Variants in TMPRSS15 observed in about 807,000 individuals in gnomAD.
The protein encoded by TMPRSS15 is enteropeptidase.
A neutral mutation model predicts 125.3 loss-of-function variants in TMPRSS15; 128 were observed. That is an observed-to-expected ratio of 1.02 (90% CI 0.89 to 1.18). The LOEUF is 1.18. TMPRSS15 is among the 50% of genes most tolerant of loss of function. TMPRSS15 has a pLI of 0.00. For missense variants in TMPRSS15, 1,283 were observed against 1,212.7 expected (o/e 1.06, Z -0.86); for synonymous variants, 446 against 423.2 (o/e 1.05, Z -0.66).
At chr21:18,380,474 A>G in intron 4 of TMPRSS15, 1 of 444,090 alleles carries the variant, frequency 2.3e-6, no homozygotes, top group Non-Finnish European at 4.7e-6. Flanking sequence ...AAAAATGTAT[A>G]TTTTCCTAGG....
chr21:18,427,676 T>C (rs1448955503), intron 1 of TMPRSS15, among the ~76,000 whole-genome samples: 13 of 152,228 alleles, frequency 8.5e-5, no homozygotes, highest in Non-Finnish European at 1.6e-4. Flanking sequence ...CTAAGAAATA[T>C]ACTTATTCAA....
In TMPRSS15 at chr21:18,353,032, T is replaced by G. The variant is rs1469422413; in HGVS notation, c.1042A>C (p.Asn348His). The G allele has an allele frequency of 6.2e-7, 1 of 1,610,510 alleles. No individual in the cohort carries two copies. The highest frequency in any genetic ancestry group is 1.1e-5 in the South Asian group (1 of 90,816). ...CAGAAACAAAAGCCATCCTCAAAGTTACAATTAATTTTCTCATAATCTGTG... is the reference window on the plus strand; with the variant it reads ...CAGAAACAAAAGCCATCCTCAAAGTGACAATTAATTTTCTCATAATCTGTG... ...ELNNYEKINC[N>H]FEDGFCFWVQ... is the part of the protein sequence containing the mutation. Residue 348 changes from asparagine to histidine, a missense_variant, in exon 10 of 25, where the codon AAC becomes CAC. Coordinates refer to ENST00000284885, the MANE Select transcript of TMPRSS15 (RefSeq NM_002772.3).
intron 17 of TMPRSS15, among the ~76,000 whole-genome samples, 186 bp downstream of exon 17, chr21:18,314,960 G>A (rs1474476779): frequency 6.6e-6 from 1 of 152,138 alleles, no homozygotes; most frequent in Non-Finnish European, 1.5e-5. Flanking sequence ...ACTGAGGCCT[G>A]CGTATTAACT....
intron 4 of TMPRSS15, among the ~76,000 whole-genome samples, chr21:18,382,353 A>C (rs780361497): frequency 3.3e-5 from 5 of 152,166 alleles, no homozygotes; most frequent in Non-Finnish European, 7.4e-5. Flanking sequence ...CTGCTCAAAC[A>C]GCTGTGACAT....
intron 10 of TMPRSS15, among the ~76,000 whole-genome samples, chr21:18,352,097 C>T (rs1275324925): frequency 6.6e-6 from 1 of 151,704 alleles, no homozygotes; most frequent in Admixed American, 6.6e-5. Context: ...TTTCCTTATA[C>T]ATTCCTTCTA....
intron 1 of TMPRSS15, among the ~76,000 whole-genome samples, chr21:18,434,141 A>T (rs1408146062): frequency 6.6e-6 from 1 of 152,174 alleles, no homozygotes; most frequent in Non-Finnish European, 1.5e-5. Flanking sequence ...CAACCTTCTA[A>T]AAAGATAGCA....
At chr21:18,358,013 T>C (rs556523574) in intron 8 of TMPRSS15, among the ~76,000 whole-genome samples, 2 of 151,866 alleles carry the variant, frequency 1.3e-5, no homozygotes, top group Non-Finnish European at 2.9e-5. Context: ...CTACCTATTA[T>C]AATATAACTA....
chr21:18,291,665 T>C (rs1450518675), intron 21 of TMPRSS15, among the ~76,000 whole-genome samples: 1 of 152,154 alleles, frequency 6.6e-6, no homozygotes, highest in Non-Finnish European at 1.5e-5. Flanking sequence ...GATAAAACAG[T>C]TTTTGATTAA....
At chr21:18,338,726 G>A (rs1426293965) in intron 13 of TMPRSS15, among the ~76,000 whole-genome samples, 1 of 99,096 alleles carries the variant, frequency 1.0e-5, no homozygotes, top group East Asian at 2.5e-4. Context: ...CAGAGAGAGA[G>A]ATAAAGAGAG....
intron 13 of TMPRSS15, among the ~76,000 whole-genome samples, chr21:18,338,320 G>A (rs2089736683): frequency 6.6e-6 from 1 of 151,898 alleles, no homozygotes; most frequent in South Asian, 2.1e-4. Flanking sequence ...ATAAATAGGG[G>A]AACAAACTAG....
intron 1 of TMPRSS15, among the ~76,000 whole-genome samples, chr21:18,478,520 C>T (rs1253578390): frequency 6.6e-6 from 1 of 151,966 alleles, no homozygotes; most frequent in Non-Finnish European, 1.5e-5. Context: ...AAGATTTCAA[C>T]ATCATTTTAT....
intron 14 of TMPRSS15, among the ~76,000 whole-genome samples, chr21:18,331,098 T>C (rs2075341322): frequency 6.6e-6 from 1 of 150,850 alleles, no homozygotes; most frequent in Admixed American, 6.6e-5. Context: ...AAAAGATGTC[T>C]TCAGTGTGAA....
At chr21:18,385,750 A>C (rs1005889130) in intron 3 of TMPRSS15, among the ~76,000 whole-genome samples, 4 of 150,540 alleles carry the variant, frequency 2.7e-5, no homozygotes, top group Admixed American at 2.6e-4. Context: ...GATAATAAAC[A>C]CTTTTTTTTT....
intron 4 of TMPRSS15, chr21:18,380,469 T>G (rs1601415690): frequency 2.3e-6 from 1 of 439,520 alleles, no homozygotes; most frequent in East Asian, 7.3e-5. Context: ...AAGAAAAAAA[T>G]GTATATTTTC....
At chr21:18,410,168 G>A (rs564162042) in intron 1 of TMPRSS15, among the ~76,000 whole-genome samples, 2 of 149,898 alleles carry the variant, frequency 1.3e-5, no homozygotes, top group Non-Finnish European at 3.0e-5. Context: ...TGAGGCAGGA[G>A]TATAAATTCA....
intron 17 of TMPRSS15, among the ~76,000 whole-genome samples, chr21:18,314,496 A>T (rs562127461): frequency 6.6e-6 from 1 of 152,122 alleles, no homozygotes; most frequent in Admixed American, 6.5e-5. Flanking sequence ...CAGGCTGGTC[A>T]TGAACTCCTG....
chr21:18,483,520 G>A (rs779735223), intron 1 of TMPRSS15, among the ~76,000 whole-genome samples: 9 of 151,710 alleles, frequency 5.9e-5, no homozygotes, highest in South Asian at 2.1e-4. Flanking sequence ...TTTACATAGC[G>A]TAACATTTTT....
intron 16 of TMPRSS15, among the ~76,000 whole-genome samples, chr21:18,318,913 T>C (rs2075203992): frequency 6.6e-6 from 1 of 152,208 alleles, no homozygotes; most frequent in African/African-American, 2.4e-5. Flanking sequence ...AATAAGTAGA[T>C]ATTTTTAAAA....
intron 1 of TMPRSS15, among the ~76,000 whole-genome samples, chr21:18,435,024 T>A (rs1455902976): frequency 6.6e-6 from 1 of 152,194 alleles, no homozygotes; most frequent in Non-Finnish European, 1.5e-5. Context: ...CTCTACCTTG[T>A]ATTTATATCC....
Sources: allele counts gnomAD v4.1 joint callset (sites outside exome capture counted in the v4.1 genomes callset), GRCh38; gene constraint gnomAD v4.1.1; transcripts MANE v1.5; gene names NCBI Gene and HGNC (gene_info 2026-07-23, HGNC 2026-07-21).